PKHD1: variants seen among roughly 807,000 people sequenced by gnomAD.
The protein encoded by PKHD1 is fibrocystin.
A neutral mutation model predicts 412.0 loss-of-function variants in PKHD1; 291 were observed. The observed-to-expected ratio is 0.71, with a 90% CI of 0.64 to 0.78. The LOEUF (loss-of-function observed/expected upper bound fraction) is 0.78. Among genes scored for constraint, PKHD1 ranks in the 30% least tolerant of loss-of-function variants. PKHD1 has a pLI of 0.00. For synonymous variants in PKHD1, 1,777 were observed against 1,821.5 expected, an observed-to-expected ratio of 0.98 and a Z score of 0.62; for missense variants, 4,825 against 4,950.7, an observed-to-expected ratio of 0.97 and a Z score of 0.76.
chr6:51,841,680 C>T (rs558984515), intron 50 of PKHD1, among the ~76,000 whole-genome samples: 207 of 152,284 alleles, frequency 1.4e-3, no homozygotes, highest in African/African-American at 4.9e-3. Flanking sequence ...GGAATGGCTG[C>T]AGAGTTGCAA....
chr6:51,961,416 G>A (rs1266924), intron 35 of PKHD1, among the ~76,000 whole-genome samples: 43,272 of 151,846 alleles, frequency 0.28, 6,780 homozygotes, highest in East Asian at 0.69. Context: ...AGAGATGGAA[G>A]GAAATAAGGC....
At chr6:51,928,939 T>C (rs1175793698) in intron 37 of PKHD1, among the ~76,000 whole-genome samples, 3 of 152,170 alleles carry the variant, frequency 2.0e-5, no homozygotes, top group Non-Finnish European at 4.4e-5. Flanking sequence ...AGTGGGCTTC[T>C]GTCCCCTAAA....
At position 52,079,924 on chromosome 6, in the gene PKHD1, TC is replaced by T; in HGVS notation, c.365del (p.Gly122AspfsTer31). ...CCTTGAAAGTACAGCTATCTCGTGGTCCTGGATTTGGACTGCTTACCAGCTG... is the reference window on the plus strand; with the variant it reads ...CCTTGAAAGTACAGCTATCTCGTGGTCTGGATTTGGACTGCTTACCAGCTG... ...GGQLVSSPNP[G>X]PRDSCTFKFS... On this transcript the variant is annotated frameshift_variant, in exon 5 of 67. Coordinates refer to ENST00000371117, the MANE Select transcript of PKHD1 (RefSeq NM_138694.4). LOFTEE classifies it high-confidence loss of function. 6.2e-7 allele frequency: 1 copy of T among 1,604,160 alleles called. No individual in the cohort carries two copies. Among genetic ancestry groups the T allele is most frequent in the African/African-American group, 1.3e-5 (1 of 74,792 alleles).
intron 28 of PKHD1, among the ~76,000 whole-genome samples, chr6:52,034,696 G>A (rs1803655028): frequency 6.6e-6 from 1 of 152,144 alleles, no homozygotes; most frequent in African/African-American, 2.4e-5. Flanking sequence ...TTATTAGGAT[G>A]ATTAAAGCCC....
chr6:52,087,131 T>C (rs1399712208), intron 1 of PKHD1, among the ~76,000 whole-genome samples: 1 of 152,240 alleles, frequency 6.6e-6, no homozygotes, highest in Non-Finnish European at 1.5e-5. Flanking sequence ...CACTAATTCT[T>C]CCTAAAAATA....
At chr6:51,743,353 C>G (rs1784799199) in intron 60 of PKHD1, among the ~76,000 whole-genome samples, 1 of 152,014 alleles carries the variant, frequency 6.6e-6, no homozygotes, top group Admixed American at 6.6e-5. Context: ...AGGTTTTTTA[C>G]TTAAATAGCC....
At chr6:51,715,570 T>C (rs1055340784) in intron 60 of PKHD1, among the ~76,000 whole-genome samples, 8 of 152,206 alleles carry the variant, frequency 5.3e-5, no homozygotes, top group Non-Finnish European at 1.2e-4. Context: ...AGCCTTTCCA[T>C]GTCCCTGAAC....
intron 54 of PKHD1, among the ~76,000 whole-genome samples, chr6:51,774,555 A>C (rs1790683009): frequency 6.6e-6 from 1 of 151,970 alleles, no homozygotes; most frequent in East Asian, 1.9e-4. Context: ...TTGTTATTAG[A>C]AAGATAAAAT....
At position 51,804,227 on chromosome 6, in the gene PKHD1, C is replaced by T. The variant is rs527465599; in HGVS notation, c.8303-12854G>A. On this transcript the variant is annotated intron_variant, in intron 52 of 66. Coordinates refer to ENST00000371117, the MANE Select transcript of PKHD1 (RefSeq NM_138694.4). ...CCAAATGGCCAGAATCCCACTGATG[C>T]CCAACCACCAACAGTCCACACAGAT... is the stretch of plus-strand genomic sequence containing the variant. Among the ~76,000 whole-genome samples, 101 of 151,030 alleles carry T rather than the reference C, an allele frequency of 6.7e-4. 1 individual carries two copies. Among genetic ancestry groups the T allele is most frequent in the Middle Eastern group, 3.4e-3 (1 of 294 alleles).
At chr6:51,698,440 C>A (rs1339867206) in intron 60 of PKHD1, among the ~76,000 whole-genome samples, 1 of 152,156 alleles carries the variant, frequency 6.6e-6, no homozygotes, top group Non-Finnish European at 1.5e-5. Context: ...ATGAGATTAA[C>A]ACTACATGAA....
chr6:51,921,879 C>T (rs1784766868), intron 37 of PKHD1, among the ~76,000 whole-genome samples: 1 of 152,136 alleles, frequency 6.6e-6, no homozygotes, highest in Non-Finnish European at 1.5e-5. Context: ...CGAACATCCT[C>T]CTTTAGCTTG....
At chr6:51,677,364 A>G (rs892668814) in intron 60 of PKHD1, among the ~76,000 whole-genome samples, 1 of 152,108 alleles carries the variant, frequency 6.6e-6, no homozygotes, top group African/African-American at 2.4e-5. Flanking sequence ...GTGGCTTTCA[A>G]TGCTCGGGAG....
chr6:51,763,405 C>T (rs998832625), intron 55 of PKHD1, among the ~76,000 whole-genome samples: 7 of 152,058 alleles, frequency 4.6e-5, no homozygotes, highest in Admixed American at 6.6e-5. Flanking sequence ...TCAAAATAGC[C>T]TGTAGCTCAG....
rs555442845 is a variant in PKHD1 at position 51,659,389 on chromosome 6, T to C, written c.10737A>G (p.Val3579=). 154 of 1,613,778 alleles carry C rather than the reference T, an allele frequency of 9.5e-5. 4 individuals carry two copies. In the South Asian group the frequency reaches 1.6e-3, roughly 17 times the overall value. Residue 3579 remains valine, a synonymous_variant, in exon 61 of 67, where the codon GTA becomes GTG. Coordinates refer to ENST00000371117, the MANE Select transcript of PKHD1 (RefSeq NM_138694.4). ...VSVLEKGWEI[V]ILERLTNFLQ... ...AGAAGTTAGTTAGTCTTTCGAGTAT[T>C]ACTATTTCCCAGCCTTTTTCTAAGA...
At chr6:51,822,811 TCTG>T (rs1766665081) in intron 52 of PKHD1, among the ~76,000 whole-genome samples, 1 of 152,202 alleles carries the variant, frequency 6.6e-6, no homozygotes, top group Non-Finnish European at 1.5e-5. Context: ...GTGCAAAAGT[TCTG>T]GTCATCTTCT....
intron 60 of PKHD1, among the ~76,000 whole-genome samples, chr6:51,667,306 C>T (rs1406368348): frequency 6.6e-6 from 1 of 151,414 alleles, no homozygotes; most frequent in East Asian, 1.9e-4. Context: ...TGATGGTGAG[C>T]ATTTTTTCAT....
At chr6:52,079,658 C>T (rs1811770279) in intron 5 of PKHD1, among the ~76,000 whole-genome samples, 3 of 152,060 alleles carry the variant, frequency 2.0e-5, no homozygotes, top group Admixed American at 2.0e-4. Context: ...TAAATAGCTA[C>T]CCCATAAAAT....
chr6:51,683,583 T>C (rs1777000448), intron 60 of PKHD1, among the ~76,000 whole-genome samples: 1 of 152,072 alleles, frequency 6.6e-6, no homozygotes, highest in Non-Finnish European at 1.5e-5. Context: ...ATAGAAATAC[T>C]TCAGGACCAT....
chr6:51,746,946 A>C, intron 58 of PKHD1, 57 bp from the exon 59 acceptor site: 1 of 993,936 alleles, frequency 1.0e-6, no homozygotes, highest in East Asian at 2.6e-5. Flanking sequence ...CCAGCCACAA[A>C]TATCGAATAT....
Sources: gnomAD v4.1 joint callset for allele counts (sites outside exome capture counted in the v4.1 genomes callset) on GRCh38, gnomAD v4.1.1 for gene constraint, MANE v1.5 for transcripts, NCBI Gene and HGNC (gene_info 2026-07-23, HGNC 2026-07-21) for gene names.